TBX4: variants seen among roughly 807,000 people sequenced by gnomAD.
TBX4 encodes T-box transcription factor TBX4.
In TBX4, 13 loss-of-function variants were observed where a neutral mutation model predicts 54.6. That is an observed-to-expected ratio of 0.24 (90% CI 0.15 to 0.38). The LOEUF (loss-of-function observed/expected upper bound fraction) is 0.38. Among genes scored for constraint, TBX4 ranks in the 10% least tolerant of loss-of-function variants. TBX4 has a pLI of 1.00. For synonymous variants in TBX4, 314 were observed against 306.7 expected, an observed-to-expected ratio of 1.02 and a Z score of -0.25; for missense variants, 631 against 728.5, an observed-to-expected ratio of 0.87 and a Z score of 1.54.
In TBX4 at chr17:61,483,364, G is replaced by T; in HGVS notation, c.1489G>T (p.Gly497Cys). The change falls in exon 9 of 9, where the codon GGC becomes TGC. Residue 497 changes from glycine (G) to cysteine (C), a missense_variant. Physicochemically the swap from Gly to Cys is radical, Grantham distance 159. Transcript: ENST00000644296. This position sits in a 1 kb window ranked among gnomAD's most constrained non-coding sequence, Gnocchi z 6.6. The stretch of plus-strand genomic sequence containing the variant: ...CAGCGCCTCATTCCCAAGAGAGCGC[G>T]GCCTCCCCCAAGGGTGTGAGAGGAA... ...GPSASFPRERGLPQGCERKPP... is the reference protein window; with the variant it reads ...GPSASFPRERCLPQGCERKPP... 1 of 1,608,554 alleles carries T rather than the reference G, an allele frequency of 6.2e-7. No individual in the cohort carries two copies. Among genetic ancestry groups the T allele is most frequent in the Non-Finnish European group, 8.5e-7 (1 of 1,176,002 alleles).
Position 61,464,951 on chromosome 17 carries a change from G to T in TBX4, c.282-868G>T, listed in dbSNP as rs114167801. Among the ~76,000 whole-genome samples the T allele has an allele frequency of 5.6e-3, 856 of 152,274 alleles. 6 individuals are homozygous for T. Among genetic ancestry groups the T allele is most frequent in the African/African-American group, 0.019 (794 of 41,540 alleles). ...CCACTTCTCCATTTACTTTGCTGAG[G>T]GAGGAGTGCAGCAGGGGTCCGTGGT... On this transcript the variant is annotated intron_variant, in intron 3 of 8. Coordinates refer to ENST00000644296, the MANE Select transcript of TBX4 (RefSeq NM_001321120.2). The surrounding 1 kb of genome is among the most constrained non-coding windows in gnomAD (Gnocchi z 5.8).
At chr17:61,469,016 A>G (rs561544431) in intron 5 of TBX4, among the ~76,000 whole-genome samples, 97 of 152,334 alleles carry the variant, frequency 6.4e-4, no homozygotes, top group Admixed American at 2.5e-3. Flanking sequence ...GCACACACAC[A>G]CAGACCCCAT....
chr17:61,480,121 A>G lies in TBX4; in HGVS notation c.823A>G (p.Met275Val), dbSNP rs541224543. The change falls in exon 8 of 9, where the codon ATG becomes GTG. Residue 275 changes from methionine to valine, a missense_variant. This residue lies in a region of TBX4 where 354 missense variants were observed against 368.9 expected (regional missense o/e 0.96). Coordinates refer to ENST00000644296, the MANE Select transcript of TBX4 (RefSeq NM_001321120.2). The surrounding 1 kb of genome is among the most constrained non-coding windows in gnomAD (Gnocchi z 6.2). ...ATACCCCGTGATTTCCAAAAGCATCATGAGGCAGAGGCTCATCTCCCCCCA... is the reference window on the plus strand; with the variant it reads ...ATACCCCGTGATTTCCAAAAGCATCGTGAGGCAGAGGCTCATCTCCCCCCA... Reference protein sequence around the residue: ...KEYPVISKSIMRQRLISPQLS... With the variant: ...KEYPVISKSIVRQRLISPQLS... 2.4e-5 allele frequency: 38 copies of G among 1,613,904 alleles called. No individual in the cohort carries two copies. The African/African-American group carries it at 3.7e-4, about 16-fold the overall frequency.
rs1249318444 is a variant in TBX4, at chr17:61,479,458, G to T, written c.703-423G>T. Reference sequence around the variant, plus strand: ...ACTGCATCTAGAACGGTCACTCAGAGCCTGATGTAGTTGCACAGACTCAGG... The same window carrying T: ...ACTGCATCTAGAACGGTCACTCAGATCCTGATGTAGTTGCACAGACTCAGG... On this transcript the variant is annotated intron_variant, in intron 6 of 8. Transcript: ENST00000644296. This position sits in a 1 kb window ranked among gnomAD's most constrained non-coding sequence, Gnocchi z 6.1. Among the ~76,000 whole-genome samples the T allele has an allele frequency of 6.6e-6, 1 of 152,222 alleles. No individual in the cohort carries two copies. The highest frequency in any genetic ancestry group is 1.5e-5 in the Non-Finnish European group (1 of 68,042).
intron 8 of TBX4, among the ~76,000 whole-genome samples, chr17:61,482,531 G>A (rs1278072114): frequency 6.6e-6 from 1 of 151,956 alleles, no homozygotes; most frequent in Non-Finnish European, 1.5e-5. Flanking sequence ...CCTGGCAAGT[G>A]CCTCTACTTT....
intron 8 of TBX4, 138 bp from the exon 9 acceptor site, chr17:61,482,759 A>G (rs2060673055): frequency 7.6e-7 from 1 of 1,318,908 alleles, no homozygotes; most frequent in Non-Finnish European, 1.0e-6. Context: ...GCTGATTGAA[A>G]TGGCTCTGGG....
chr17:61,457,423 G>C lies in TBX4; in HGVS notation c.187-114G>C. ...CTGTGAAACGAAATCTGGAGCCATG[G>C]GCTCCGGGCGGGCAGGGTTCCGCAC... On this transcript the variant is annotated intron_variant, in intron 2 of 8. Coordinates refer to ENST00000644296, the MANE Select transcript of TBX4 (RefSeq NM_001321120.2). The surrounding 1 kb of genome is among the most constrained non-coding windows in gnomAD (Gnocchi z 8.2). 1 of 884,412 alleles carries C rather than the reference G, an allele frequency of 1.1e-6. No homozygotes were observed. The highest frequency in any genetic ancestry group is 1.4e-5 in the South Asian group (1 of 72,744). 54.8% of individuals were successfully genotyped at this position (884,412 alleles called of 1,614,324 possible). A position where few individuals can be genotyped will look rare whatever the true frequency, so the allele number is the denominator to read the frequency against.
chr17:61,482,806 G>T, intron 8 of TBX4, 91 bp from the exon 9 acceptor site: 1 of 1,577,664 alleles, frequency 6.3e-7, no homozygotes, highest in Non-Finnish European at 8.6e-7. Flanking sequence ...GGCGCAGAGG[G>T]ACAAGGACAG....
Position 61,465,935 on chromosome 17 carries a change from A to C in TBX4, c.398A>C (p.Lys133Thr). 1 of 1,613,858 alleles carries C rather than the reference A, an allele frequency of 6.2e-7. No homozygotes were observed. The highest frequency in any genetic ancestry group is 1.3e-5 in the African/African-American group (1 of 75,014). ...CATCGCTACAAGTTCTGTGACAACAAATGGTAAGTGGACCCTGACCGCATC... is the reference window on the plus strand; with the variant it reads ...CATCGCTACAAGTTCTGTGACAACACATGGTAAGTGGACCCTGACCGCATC... ...DDHRYKFCDN[K>T]WMVAGKAEPA... The change falls in exon 4 of 9, where the codon AAA becomes ACA. Residue 133 changes from lysine to threonine, a missense_variant. Lys to Thr is a moderately conservative substitution (Grantham distance 78). This residue lies in a region of TBX4 where 154 missense variants were observed against 238.6 expected (regional missense o/e 0.65). Coordinates refer to ENST00000644296, the MANE Select transcript of TBX4 (RefSeq NM_001321120.2). This position sits in a 1 kb window ranked among gnomAD's most constrained non-coding sequence, Gnocchi z 4.9.
At chr17:61,471,543 A>ATTTTTTTT (rs59212228) in intron 5 of TBX4, among the ~76,000 whole-genome samples, 10 of 136,322 alleles carry the variant, frequency 7.3e-5, no homozygotes, top group African/African-American at 2.1e-4. Context: ...TCTTTTCAGC[A>ATTTTTTTT]TTTTTTTTTT....
In TBX4 at chr17:61,462,639, C is replaced by CGG; in HGVS notation, c.282-3180_282-3179insGG. On this transcript the variant is annotated intron_variant, in intron 3 of 8. Transcript: ENST00000644296. This position sits in a 1 kb window ranked among gnomAD's most constrained non-coding sequence, Gnocchi z 4.5. Reference sequence around the variant, plus strand: ...GAGTGCCCGGGACAGGCGGGCTTCACCGCCAGCGCTGGTGGCAGGGCCTGC... The same window carrying CGG: ...GAGTGCCCGGGACAGGCGGGCTTCACGGCGCCAGCGCTGGTGGCAGGGCCTGC... Among the ~76,000 whole-genome samples, 1 of 152,196 alleles carries CGG rather than the reference C, an allele frequency of 6.6e-6. No individual in the cohort carries two copies. The highest frequency in any genetic ancestry group is 1.9e-4 in the East Asian group (1 of 5,182).
At position 61,472,004 on chromosome 17, in the gene TBX4, A is replaced by G. The variant is rs567412072; in HGVS notation, c.549+4347A>G. Among the ~76,000 whole-genome samples the G allele has an allele frequency of 1.7e-3, 261 of 151,094 alleles. No individual in the cohort carries two copies. Among genetic ancestry groups the G allele is most frequent in the African/African-American group, 5.6e-3 (231 of 41,062 alleles). ...GTGATCCACCTGCCTCGGCCTCCCAAAGTGCTGGGATTGCAGGCGTGTGCC... is the reference window on the plus strand; with the variant it reads ...GTGATCCACCTGCCTCGGCCTCCCAGAGTGCTGGGATTGCAGGCGTGTGCC... On this transcript the variant is annotated intron_variant, in intron 5 of 8. Coordinates refer to ENST00000644296, the MANE Select transcript of TBX4 (RefSeq NM_001321120.2). This position sits in a 1 kb window ranked among gnomAD's most constrained non-coding sequence, Gnocchi z 4.5.
chr17:61,483,870 A>G lies in TBX4; in HGVS notation c.*354A>G, dbSNP rs1323457970. ...GGGTTTTATAATGGTTGATTTACTCAGGGGCCAGGTGGGGAGTTCTCTCCC... is the reference window on the plus strand; with the variant it reads ...GGGTTTTATAATGGTTGATTTACTCGGGGGCCAGGTGGGGAGTTCTCTCCC... On this transcript the variant is annotated 3_prime_UTR_variant, in exon 9 of 9. Transcript: ENST00000644296. The surrounding 1 kb of genome is among the most constrained non-coding windows in gnomAD (Gnocchi z 6.6). The G allele has an allele frequency of 6.7e-6, 2 of 297,008 alleles. No homozygotes were observed. The highest frequency in any genetic ancestry group is 1.3e-5 in the Non-Finnish European group (2 of 152,972). The allele number at this position is 297,008 out of a possible 1,614,324, so 18.4% of individuals were successfully genotyped here.
chr17:61,454,535 C>A lies in TBX4; in HGVS notation c.-3-1953C>A, dbSNP rs563933386. Among the ~76,000 whole-genome samples, 17 of 152,280 alleles carry A rather than the reference C, an allele frequency of 1.1e-4. No homozygotes were observed. The South Asian group carries it at 2.3e-3, about 20-fold the overall frequency. The stretch of plus-strand genomic sequence containing the variant: ...GGACGGCCGCCCCGGGCCAGCCGGG[C>A]GTGGAAAAAAGGAAATTGCTGGGAA... On this transcript the variant is annotated intron_variant, in intron 1 of 8. Coordinates refer to ENST00000644296, the MANE Select transcript of TBX4 (RefSeq NM_001321120.2).
chr17:61,457,777 A>G lies in TBX4; in HGVS notation c.281+146A>G. 1 of 775,590 alleles carries G rather than the reference A, an allele frequency of 1.3e-6. No individual in the cohort carries two copies. The highest frequency in any genetic ancestry group is 1.7e-5 in the South Asian group (1 of 57,616). The allele number at this position is 775,590 out of a possible 1,614,324, so 48.0% of individuals were successfully genotyped here. Reference sequence around the variant, plus strand: ...GGGCGTCAGTGCCACCTCCCTTCGCAGCTTGGGACTGGGCCGCCAAAGCCC... The same window carrying G: ...GGGCGTCAGTGCCACCTCCCTTCGCGGCTTGGGACTGGGCCGCCAAAGCCC... On this transcript the variant is annotated intron_variant, in intron 3 of 8. Transcript: ENST00000644296. This position sits in a 1 kb window ranked among gnomAD's most constrained non-coding sequence, Gnocchi z 8.2.
Position 61,457,864 on chromosome 17 carries a change from T to C in TBX4, c.281+233T>C, listed in dbSNP as rs955001229. Among the ~76,000 whole-genome samples, 3 of 152,182 alleles carry C rather than the reference T, an allele frequency of 2.0e-5. No individual in the cohort carries two copies. Among genetic ancestry groups the C allele is most frequent in the Admixed American group, 6.5e-5 (1 of 15,284 alleles). Reference sequence around the variant, plus strand: ...AAGACCGAGGGGAGGGGCAGCGCTATGCAAATGAATCCAAACAGGGATCGC... The same window carrying C: ...AAGACCGAGGGGAGGGGCAGCGCTACGCAAATGAATCCAAACAGGGATCGC... On this transcript the variant is annotated intron_variant, in intron 3 of 8. Transcript: ENST00000644296. This position sits in a 1 kb window ranked among gnomAD's most constrained non-coding sequence, Gnocchi z 8.2.
Position 61,484,968 on chromosome 17 carries a change from AT to A in TBX4, c.*1453del, listed in dbSNP as rs1450687989. 2.2e-3 allele frequency: 325 copies of A among 148,126 alleles called. 2 individuals carry two copies. Among genetic ancestry groups the A allele is most frequent in the African/African-American group, 7.8e-3 (318 of 40,780 alleles). The allele number at this position is 148,126 out of a possible 1,614,324, so 9.2% of individuals were successfully genotyped here. ...TAAATATATATATATATATATATATATATAAACACACACACACTACAGATAA... is the reference window on the plus strand; with the variant it reads ...TAAATATATATATATATATATATATAATAAACACACACACACTACAGATAA... On this transcript the variant is annotated 3_prime_UTR_variant, in exon 9 of 9. Coordinates refer to ENST00000644296, the MANE Select transcript of TBX4 (RefSeq NM_001321120.2). This position sits in a 1 kb window ranked among gnomAD's most constrained non-coding sequence, Gnocchi z 4.1.
chr17:61,454,282 C>T (rs1337540910), intron 1 of TBX4, among the ~76,000 whole-genome samples: 19 of 152,258 alleles, frequency 1.2e-4, no homozygotes, highest in Admixed American at 1.2e-3. Context: ...GTGCAAGAAA[C>T]ATATCCCCAG....
rs2060621229 is a variant in TBX4, at chr17:61,476,514, A to G, written c.550-2113A>G. 1.3e-5 allele frequency among the ~76,000 whole-genome samples: 2 copies of G among 152,170 alleles called. No homozygotes were observed. Among genetic ancestry groups the G allele is most frequent in the African/African-American group, 4.8e-5 (2 of 41,430 alleles). ...AGTGCACGGTGATGGAGTCACCTAA[A>G]GGGGCTGGGAGGTGTTTTCCAGGCC... is the stretch of plus-strand genomic sequence containing the variant. On this transcript the variant is annotated intron_variant, in intron 5 of 8. Coordinates refer to ENST00000644296, the MANE Select transcript of TBX4 (RefSeq NM_001321120.2). The surrounding 1 kb of genome is among the most constrained non-coding windows in gnomAD (Gnocchi z 6.5).
Sources: gnomAD v4.1 joint callset for allele counts (sites outside exome capture counted in the v4.1 genomes callset) on GRCh38, gnomAD v4.1.1 for gene constraint, gnomAD v4.1.1 regional missense constraint, Gnocchi (gnomAD v3.1) non-coding constraint, MANE v1.5 for transcripts, NCBI Gene and HGNC (gene_info 2026-07-23, HGNC 2026-07-21) for gene names.